Variants in ACYP2 observed in about 807,000 individuals in gnomAD.
The protein encoded by ACYP2 is acylphosphatase-2.
Under a neutral mutation model 11.2 loss-of-function variants are expected in ACYP2, and 12 were observed. That is an observed-to-expected ratio of 1.08 (90% CI 0.69 to 1.74). The LOEUF is 1.74. ACYP2 is among the 40% of genes most tolerant of loss of function. The pLI is 0.00. For synonymous variants in ACYP2, 43 were observed against 32.2 expected (o/e 1.33, Z -1.13); for missense variants, 134 against 101.9 (o/e 1.31, Z -1.35).
intron 2 of ACYP2, among the ~76,000 whole-genome samples, chr2:53,986,674 G>C (rs1436535762): frequency 6.7e-6 from 1 of 149,604 alleles, no homozygotes; most frequent in Non-Finnish European, 1.5e-5. Context: ...GCCCAGGATG[G>C]AGTGCAGTGG....
At chr2:54,186,012 A>T (rs1683973917) in intron 6 of ACYP2, among the ~76,000 whole-genome samples, 1 of 151,956 alleles carries the variant, frequency 6.6e-6, no homozygotes. Context: ...ATCCAAATAT[A>T]AAAAAAGTTC....
At chr2:54,265,474 G>C (rs1305862802) in intron 6 of ACYP2, among the ~76,000 whole-genome samples, 1 of 152,184 alleles carries the variant, frequency 6.6e-6, no homozygotes, top group Non-Finnish European at 1.5e-5. Context: ...AGATATGGGT[G>C]GGGACACAGA....
intron 4 of ACYP2, among the ~76,000 whole-genome samples, chr2:54,103,183 C>A (rs1039615506): frequency 1.2e-4 from 19 of 152,296 alleles, no homozygotes; most frequent in African/African-American, 4.3e-4. Context: ...ATCAGCTCTC[C>A]CACAACCACA....
At chr2:54,231,228 C>G (rs896853642) in intron 6 of ACYP2, among the ~76,000 whole-genome samples, 1 of 152,184 alleles carries the variant, frequency 6.6e-6, no homozygotes, top group African/African-American at 2.4e-5. Flanking sequence ...GGCACACGTT[C>G]TCAGGACCTC....
intron 4 of ACYP2, among the ~76,000 whole-genome samples, chr2:54,072,427 T>G (rs539839368): frequency 6.6e-6 from 1 of 152,264 alleles, no homozygotes; most frequent in East Asian, 1.9e-4. Flanking sequence ...CACCTCAGTC[T>G]CTAGAATCCA....
intron 6 of ACYP2, among the ~76,000 whole-genome samples, chr2:54,212,210 T>C (rs909773320): frequency 1.3e-5 from 2 of 152,180 alleles, no homozygotes; most frequent in Admixed American, 1.3e-4. Context: ...TTTATTTATT[T>C]TGGGGGATGC....
intron 6 of ACYP2, among the ~76,000 whole-genome samples, chr2:54,140,519 T>TTG (rs1553379543): frequency 3.2e-5 from 1 of 31,724 alleles, no homozygotes; most frequent in Non-Finnish European, 6.0e-5. Flanking sequence ...CATGTTCACA[T>TTG]TCTCTCTCTC....
chr2:54,122,739 G>C (rs1335806014), intron 4 of ACYP2, among the ~76,000 whole-genome samples: 1 of 152,206 alleles, frequency 6.6e-6, no homozygotes, highest in African/African-American at 2.4e-5. Context: ...ACTTTGAGCA[G>C]TTGATTCCTG....
rs1401022633 is a variant in ACYP2, at chr2:53,992,302, TTTACTC to T, written c.62+18494_62+18499del. Reference sequence around the variant, plus strand: ...CTAGTGAGTGAACCAAGCACTTAAATTTACTCTAAGTGCAATGGAAACCTATAGACA... The same window carrying T: ...CTAGTGAGTGAACCAAGCACTTAAATTAAGTGCAATGGAAACCTATAGACA... On this transcript the variant is annotated intron_variant, in intron 2 of 6. Coordinates refer to ENST00000607452, the MANE Select transcript of ACYP2 (RefSeq NM_001320586.2). 3.3e-5 allele frequency among the ~76,000 whole-genome samples: 5 copies of T among 152,246 alleles called. No homozygotes were observed. In the South Asian group the frequency reaches 8.3e-4, roughly 25 times the overall value.
chr2:54,304,971 CTA>C lies in ACYP2; in HGVS notation c.*171_*172del. The C allele has an allele frequency of 2.4e-6, 1 of 414,656 alleles. No individual in the cohort carries two copies. Among genetic ancestry groups the C allele is most frequent in the Non-Finnish European group, 4.3e-6 (1 of 235,092 alleles). 25.7% of individuals were successfully genotyped at this position (414,656 alleles called of 1,614,324 possible). A position where few individuals can be genotyped will look rare whatever the true frequency, so the allele number is the denominator to read the frequency against. On this transcript the variant is annotated 3_prime_UTR_variant, in exon 7 of 7. Transcript: ENST00000607452. ...CTGACACTGAAATAATTTTACTCAA[CTA>C]TGTTTTCAACAAGCAAAAATATAGT...
chr2:54,115,782 ATC>A, intron 4 of ACYP2, 26 bp downstream of exon 1: 1 of 1,582,094 alleles, frequency 6.3e-7, no homozygotes, highest in Admixed American at 1.8e-5. Flanking sequence ...ACGGTGGGAG[ATC>A]AAAAAGGTTA....
At chr2:54,174,945 G>T (rs1032570432) in intron 6 of ACYP2, among the ~76,000 whole-genome samples, 4 of 152,138 alleles carry the variant, frequency 2.6e-5, no homozygotes, top group Non-Finnish European at 5.9e-5. Context: ...ATTTTATTGA[G>T]GATTTTCACA....
intron 6 of ACYP2, among the ~76,000 whole-genome samples, chr2:54,146,799 C>CTT (rs112108365): frequency 8.3e-5 from 12 of 143,812 alleles, no homozygotes; most frequent in African/African-American, 2.5e-4. Flanking sequence ...TGCATTGTCT[C>CTT]TTTTTTTTTT....
intron 4 of ACYP2, among the ~76,000 whole-genome samples, chr2:54,113,475 G>A (rs1438906078): frequency 1.3e-5 from 2 of 151,990 alleles, no homozygotes; most frequent in African/African-American, 2.4e-5. Flanking sequence ...CTAACTCCTG[G>A]GCTCAAGCTG....
intron 6 of ACYP2, among the ~76,000 whole-genome samples, chr2:54,182,970 G>C (rs1683809997): frequency 6.6e-6 from 1 of 152,078 alleles, no homozygotes; most frequent in Non-Finnish European, 1.5e-5. Flanking sequence ...AATGCTAAAG[G>C]CAAATATAAC....
chr2:54,204,074 G>C (rs1276285460), intron 6 of ACYP2, among the ~76,000 whole-genome samples: 1 of 151,982 alleles, frequency 6.6e-6, no homozygotes, highest in Non-Finnish European at 1.5e-5. Flanking sequence ...GGCTCACTGC[G>C]ACCTCTGCCT....
At chr2:53,972,113 G>A (rs1227229123) in intron 1 of ACYP2, among the ~76,000 whole-genome samples, 1 of 145,034 alleles carries the variant, frequency 6.9e-6, no homozygotes, top group Non-Finnish European at 1.5e-5. Flanking sequence ...TTCGAGACCA[G>A]TCTGGCCAAC....
At chr2:54,180,344 T>A (rs1231517306) in intron 6 of ACYP2, among the ~76,000 whole-genome samples, 1 of 152,128 alleles carries the variant, frequency 6.6e-6, no homozygotes, top group Non-Finnish European at 1.5e-5. Context: ...CCCCCTCCTT[T>A]CCCTGGAGGT....
At chr2:54,240,934 G>T (rs1160397806) in intron 6 of ACYP2, among the ~76,000 whole-genome samples, 1 of 152,200 alleles carries the variant, frequency 6.6e-6, no homozygotes, top group African/African-American at 2.4e-5. Context: ...CCGAGGAGAT[G>T]AATGTCTGTT....
Sources: gnomAD v4.1 joint callset for allele counts (sites outside exome capture counted in the v4.1 genomes callset) on GRCh38, gnomAD v4.1.1 for gene constraint, MANE v1.5 for transcripts, NCBI Gene and HGNC (gene_info 2026-07-23, HGNC 2026-07-21) for gene names.